The following VAV1 variants were observed in gnomAD, a reference collection of about 807,000 sequenced individuals.
VAV1 encodes the protein vav guanine nucleotide exchange factor 1, also known as proto-oncogene vav.
VAV1 carries 33 observed loss-of-function variants against 128.1 expected under a neutral mutation model. The ratio of observed to expected loss-of-function variants is 0.26; its 90% CI spans 0.20 to 0.34. VAV1 has a LOEUF of 0.34. Ranked by LOEUF, VAV1 falls within the 10% of genes least tolerant of loss-of-function variation. The probability of loss-of-function intolerance (pLI) is 1.00; values close to 1 mark genes in which losing one functional copy is unlikely to be tolerated. For synonymous variants in VAV1, 394 were observed against 409.8 expected (o/e 0.96, Z 0.47); for missense variants, 715 against 1,093.7 (o/e 0.65, Z 4.88).
In VAV1 at chr19:6,820,768, A is replaced by T; in HGVS notation, c.271A>T (p.Ser91Cys). 1 of 1,614,208 alleles carries T rather than the reference A, an allele frequency of 6.2e-7. No homozygotes were observed. The highest frequency in any genetic ancestry group is 8.5e-7 in the Non-Finnish European group (1 of 1,180,040). ...CTGTGAGAAGTTCGGCCTCAAGCGG[A>T]GCGAGCTCTTCGAAGCCTTTGACCT... The part of the protein sequence containing the change: ...TCCEKFGLKR[S>C]ELFEAFDLFD... The change falls in exon 2 of 27, where the codon AGC becomes TGC. Residue 91 changes from serine to cysteine, a missense_variant. Ser to Cys is a moderately radical substitution (Grantham distance 112). Around this residue, in one of 3 missense-constraint regions of VAV1, gnomAD observed 302 missense variants for 477.8 expected, o/e 0.63. Transcript: ENST00000602142. The surrounding 1 kb of genome is among the most constrained non-coding windows in gnomAD (Gnocchi z 4.4).
chr19:6,811,721 T>C (rs77540572), intron 1 of VAV1, among the ~76,000 whole-genome samples: 15,998 of 152,114 alleles, frequency 0.11, 1,574 homozygotes, highest in African/African-American at 0.26. Context: ...ATCCATGAGG[T>C]CTCTGAGGAT....
chr19:6,781,476 T>C (rs915716473), intron 1 of VAV1, among the ~76,000 whole-genome samples: 17 of 152,224 alleles, frequency 1.1e-4, no homozygotes, highest in Non-Finnish European at 2.1e-4. Flanking sequence ...TTTTCTCTTA[T>C]TCTGAGTGAA....
chr19:6,810,569 G>A (rs1036098358), intron 1 of VAV1, among the ~76,000 whole-genome samples: 2 of 152,072 alleles, frequency 1.3e-5, no homozygotes, highest in Admixed American at 6.5e-5. Context: ...GCCAGGCGTG[G>A]TGGCGGGCGC....
Position 6,822,319 on chromosome 19 carries a change from T to C in VAV1, c.548T>C (p.Val183Ala), listed in dbSNP as rs1320481232. 2 of 1,561,668 alleles carry C rather than the reference T, an allele frequency of 1.3e-6. No individual in the cohort carries two copies. Among genetic ancestry groups the C allele is most frequent in the South Asian group, 2.3e-5 (2 of 85,758 alleles). The change falls in exon 5 of 27, where the codon GTG becomes GCG. Residue 183 changes from valine to alanine, a missense_variant. By Grantham distance (64) the Val-to-Ala change is moderately conservative (BLOSUM62 0). Transcript: ENST00000602142. The surrounding 1 kb of genome is among the most constrained non-coding windows in gnomAD (Gnocchi z 5.9). ...GAGGACCTCATGCGCTCGGAGCCCG[T>C]GTCCATGCCGGTGCGTGACGTGGAG... Reference protein sequence around the residue: ...IYEDLMRSEPVSMPPKMTEYD... With the variant: ...IYEDLMRSEPASMPPKMTEYD...
chr19:6,824,922 T>C (rs1220423180), intron 6 of VAV1, 131 bp from the exon 7 acceptor site: 1 of 970,308 alleles, frequency 1.0e-6, no homozygotes, highest in African/African-American at 1.6e-5. Context: ...GTGAACATTC[T>C]TGTACAAGTT....
chr19:6,779,663 C>A (rs1335550340), intron 1 of VAV1, among the ~76,000 whole-genome samples: 2 of 146,314 alleles, frequency 1.4e-5, no homozygotes, highest in Non-Finnish European at 3.0e-5. Context: ...GAGTTAGAGG[C>A]CAGCCTGGGC....
chr19:6,824,147 C>T (rs537610337), intron 6 of VAV1, among the ~76,000 whole-genome samples: 1 of 151,774 alleles, frequency 6.6e-6, no homozygotes, highest in Admixed American at 6.6e-5. Flanking sequence ...TGCTATGTTG[C>T]CCAGGCTGGT....
At position 6,853,956 on chromosome 19, in the gene VAV1, C is replaced by A. The variant is rs1258698651; in HGVS notation, c.2342C>A (p.Thr781Lys). The change falls in exon 26 of 27, where the codon ACA (threonine) becomes AAA (lysine). Residue 781 changes from threonine to lysine, a missense_variant. By Grantham distance (78) the Thr-to-Lys change is moderately conservative (BLOSUM62 -1). Around this residue, in one of 3 missense-constraint regions of VAV1, gnomAD observed 407 missense variants for 580.6 expected, o/e 0.70. Coordinates refer to ENST00000602142, the MANE Select transcript of VAV1 (RefSeq NM_005428.4). ...TGTTCTCTCTCCACAGTGGGAAGCACAAAGTATTTTGGCACAGCCAAAGCC... is the reference window on the plus strand; with the variant it reads ...TGTTCTCTCTCCACAGTGGGAAGCAAAAAGTATTTTGGCACAGCCAAAGCC... ...RTISRPAVGS[T>K]KYFGTAKARY... The A allele has an allele frequency of 6.2e-7, 1 of 1,611,426 alleles. No individual in the cohort carries two copies. Among genetic ancestry groups the A allele is most frequent in the Non-Finnish European group, 8.5e-7 (1 of 1,179,978 alleles).
chr19:6,855,155 T>C (rs1219505032), intron 26 of VAV1, among the ~76,000 whole-genome samples: 1 of 152,218 alleles, frequency 6.6e-6, no homozygotes, highest in Non-Finnish European at 1.5e-5. Context: ...AATTCTGCCT[T>C]ATGATGGATT....
At chr19:6,776,783 C>T (rs531430628) in intron 1 of VAV1, among the ~76,000 whole-genome samples, 133 of 151,244 alleles carry the variant, frequency 8.8e-4, no homozygotes, top group Non-Finnish European at 1.6e-3. Context: ...TTATTTACGG[C>T]GTCTCACTCT....
At chr19:6,849,785 A>G (rs1284837133) in intron 23 of VAV1, among the ~76,000 whole-genome samples, 1 of 152,204 alleles carries the variant, frequency 6.6e-6, no homozygotes, top group Non-Finnish European at 1.5e-5. Context: ...ATGGCTGTAT[A>G]GTAGTCCATA....
intron 24 of VAV1, among the ~76,000 whole-genome samples, chr19:6,851,955 A>C (rs538938052): frequency 3.9e-5 from 6 of 152,134 alleles, no homozygotes; most frequent in Middle Eastern, 3.4e-3. Flanking sequence ...CTTCTGAAAA[A>C]TTTCAGACAA....
At chr19:6,833,156 T>G in intron 15 of VAV1, 28 bp from the exon 16 acceptor site, 1 of 1,575,046 alleles carries the variant, frequency 6.3e-7, no homozygotes, top group South Asian at 1.2e-5. Flanking sequence ...ACCTTCTTTT[T>G]TTTTTTTTTT....
Position 6,788,307 on chromosome 19 carries a change from C to T in VAV1, c.204+15296C>T, listed in dbSNP as rs915698894. Reference sequence around the variant, plus strand: ...GGGTTGGCTTTCTGGTCACTGAAGCCAAGGTCCTAGCATTATCCTTCGTTG... The same window carrying T: ...GGGTTGGCTTTCTGGTCACTGAAGCTAAGGTCCTAGCATTATCCTTCGTTG... On this transcript the variant is annotated intron_variant, in intron 1 of 26. Transcript: ENST00000602142. 2.0e-5 allele frequency among the ~76,000 whole-genome samples: 3 copies of T among 151,646 alleles called. No individual in the cohort carries two copies. In the Admixed American group the frequency reaches 2.0e-4, roughly 10 times the overall value.
intron 1 of VAV1, among the ~76,000 whole-genome samples, chr19:6,796,802 T>C (rs959261869): frequency 1.3e-5 from 2 of 152,226 alleles, no homozygotes; most frequent in Non-Finnish European, 2.9e-5. Context: ...ACAAGCTATG[T>C]AATATACTCC....
intron 1 of VAV1, among the ~76,000 whole-genome samples, chr19:6,794,564 C>G (rs1279238857): frequency 6.6e-6 from 1 of 152,046 alleles, no homozygotes; most frequent in Admixed American, 6.6e-5. Flanking sequence ...GAGACCAATG[C>G]CGTTGAGAGG....
At chr19:6,807,690 A>G (rs1450987497) in intron 1 of VAV1, among the ~76,000 whole-genome samples, 1 of 151,984 alleles carries the variant, frequency 6.6e-6, no homozygotes, top group Non-Finnish European at 1.5e-5. Flanking sequence ...CAACTGGGCA[A>G]CAGAGTGAGA....
Position 6,826,669 on chromosome 19 carries a change from C to T in VAV1, c.885C>T (p.Asp295=). Residue 295 remains aspartate (D), a synonymous_variant, in exon 9 of 27, where the codon GAC becomes GAT. Coordinates refer to ENST00000602142, the MANE Select transcript of VAV1 (RefSeq NM_005428.4). The surrounding 1 kb of genome is among the most constrained non-coding windows in gnomAD (Gnocchi z 4.1). ...TGGAGTCAGCCAGCAAACACCTGGA[C>T]CGTGTGGCCGCAGCCCGGGAGGACG... The part of the protein sequence containing the change: ...SQVESASKHL[D]RVAAAREDVQ... The T allele has an allele frequency of 1.3e-6, 2 of 1,561,252 alleles. No homozygotes were observed. The highest frequency in any genetic ancestry group is 1.7e-6 in the Non-Finnish European group (2 of 1,154,248).
intron 1 of VAV1, among the ~76,000 whole-genome samples, chr19:6,818,277 A>G (rs994562166): frequency 3.3e-5 from 5 of 152,218 alleles, no homozygotes; most frequent in African/African-American, 9.7e-5. Flanking sequence ...AGACGTTGGC[A>G]AGGAACTTTC....
Sources: gnomAD v4.1 joint callset for allele counts (sites outside exome capture counted in the v4.1 genomes callset) on GRCh38, gnomAD v4.1.1 for gene constraint, gnomAD v4.1.1 regional missense constraint, Gnocchi (gnomAD v3.1) non-coding constraint, MANE v1.5 for transcripts, NCBI Gene and HGNC (gene_info 2026-07-23, HGNC 2026-07-21) for gene names.